The following COBL variants were observed in gnomAD, a reference collection of about 807,000 sequenced individuals.
The protein encoded by COBL is cordon-bleu WH2 repeat protein.
Under a neutral mutation model 98.8 loss-of-function variants are expected in COBL, and 51 were observed. The observed-to-expected ratio is 0.52, with a 90% CI of 0.41 to 0.65. The LOEUF is 0.65. Ranked by LOEUF, COBL falls within the 30% of genes least tolerant of loss-of-function variation. The pLI, the probability that COBL is intolerant of heterozygous loss-of-function variation, is 0.00. For synonymous variants in COBL, 634 were observed against 651.7 expected (o/e 0.97, Z 0.41); for missense variants, 1,617 against 1,617.5 (o/e 1.00, Z 0.01).
intron 6 of COBL, among the ~76,000 whole-genome samples, chr7:51,102,372 T>A (rs957028316): frequency 6.6e-6 from 1 of 152,116 alleles, no homozygotes; most frequent in African/African-American, 2.4e-5. Context: ...ATGTACATCA[T>A]CCTCGAGGTC....
intron 1 of COBL, among the ~76,000 whole-genome samples, chr7:51,227,398 G>T (rs1434634488): frequency 6.6e-6 from 1 of 152,172 alleles, no homozygotes; most frequent in African/African-American, 2.4e-5. Flanking sequence ...AGGTGGCAGA[G>T]CTGGAACAGA....
At chr7:51,233,282 T>C (rs907795347) in intron 1 of COBL, among the ~76,000 whole-genome samples, 5 of 152,188 alleles carry the variant, frequency 3.3e-5, no homozygotes, top group African/African-American at 1.2e-4. Flanking sequence ...GACAGTTTTC[T>C]TCTGGATTCA....
intron 8 of COBL, among the ~76,000 whole-genome samples, chr7:51,036,469 G>A (rs1231020773): frequency 6.6e-6 from 1 of 151,216 alleles, no homozygotes; most frequent in Non-Finnish European, 1.5e-5. Context: ...GGTGCCAAAT[G>A]TTTCTAAATG....
chr7:51,267,018 G>A (rs57530534), intron 1 of COBL, among the ~76,000 whole-genome samples: 9 of 152,112 alleles, frequency 5.9e-5, no homozygotes, highest in East Asian at 1.9e-4. Context: ...AGGGCTTTGC[G>A]ATAAACCCAA....
intron 12 of COBL, among the ~76,000 whole-genome samples, chr7:51,020,491 A>T (rs1293672091): frequency 1.3e-5 from 2 of 152,244 alleles, no homozygotes; most frequent in Non-Finnish European, 2.9e-5. Flanking sequence ...TTGTAGAATG[A>T]AGCACTAGAC....
chr7:51,037,027 TAC>T (rs1189661182), intron 8 of COBL, among the ~76,000 whole-genome samples: 1 of 152,198 alleles, frequency 6.6e-6, no homozygotes, highest in Non-Finnish European at 1.5e-5. Flanking sequence ...TAGGAGGAGA[TAC>T]AGTCTCCTCT....
chr7:51,028,049 G>A lies in COBL; in HGVS notation c.3047C>T (p.Pro1016Leu). The A allele has an allele frequency of 6.2e-7, 1 of 1,610,256 alleles. No individual in the cohort carries two copies. The highest frequency in any genetic ancestry group is 2.2e-5 in the East Asian group (1 of 44,868). ...ASSASEPRRAPDGTDPPPPHT... is the reference protein window; with the variant it reads ...ASSASEPRRALDGTDPPPPHT... ...TGGAGGGGGTGGGTCTGTACCATCA[G>A]GTGCGCGTCTGGGCTCAGATGCTGA... The change falls in exon 10 of 13, where the codon CCT (proline) becomes CTT (leucine). Residue 1016 changes from proline to leucine, a missense_variant. This residue lies in a region of COBL where 1,304 missense variants were observed against 1,282.0 expected (regional missense o/e 1.02). Coordinates refer to ENST00000265136, the MANE Select transcript of COBL (RefSeq NM_015198.5).
chr7:51,094,448 T>C (rs1051797540), intron 6 of COBL, among the ~76,000 whole-genome samples: 18 of 152,122 alleles, frequency 1.2e-4, no homozygotes, highest in Non-Finnish European at 1.2e-4. Context: ...ATTTTGACAA[T>C]GCATACATAG....
In COBL at chr7:51,268,089, C is replaced by T. The variant is rs144123524; in HGVS notation, c.42-48145G>A. Among the ~76,000 whole-genome samples, 600 of 152,194 alleles carry T rather than the reference C, an allele frequency of 3.9e-3. 3 individuals carry two copies. The highest frequency in any genetic ancestry group is 0.02 in the South Asian group (95 of 4,822). ...GACAGCCTTCCTCCCTCCTGCCCTG[C>T]AGGCGCTGTGTCCGCTGCGGGTGTC... On this transcript the variant is annotated intron_variant, in intron 1 of 12. Transcript: ENST00000265136.
intron 8 of COBL, chr7:51,032,686 A>G (rs1788279283): frequency 6.6e-6 from 1 of 152,238 alleles, no homozygotes; most frequent in Non-Finnish European, 1.5e-5. Flanking sequence ...ATGTGGACCC[A>G]TTAATAAGGA....
intron 6 of COBL, among the ~76,000 whole-genome samples, chr7:51,116,620 G>GT (rs1382654912): frequency 1.3e-5 from 2 of 151,956 alleles, no homozygotes; most frequent in Non-Finnish European, 2.9e-5. Flanking sequence ...AGAAAAAATA[G>GT]TTTTTTTATG....
chr7:51,298,502 T>C (rs1311804981), intron 1 of COBL, among the ~76,000 whole-genome samples: 3 of 152,204 alleles, frequency 2.0e-5, no homozygotes, highest in Non-Finnish European at 4.4e-5. Context: ...TCCTAACACA[T>C]GGGCTGGGGC....
At chr7:51,101,558 C>A (rs1795807333) in intron 6 of COBL, among the ~76,000 whole-genome samples, 1 of 152,194 alleles carries the variant, frequency 6.6e-6, no homozygotes, top group Non-Finnish European at 1.5e-5. Flanking sequence ...CTTACCTTGC[C>A]TTCCCAGCCT....
chr7:51,170,549 T>C (rs1787771486), intron 5 of COBL, among the ~76,000 whole-genome samples: 1 of 147,358 alleles, frequency 6.8e-6, no homozygotes, highest in South Asian at 2.1e-4. Context: ...ATCACATACA[T>C]ATATATATGT....
chr7:51,117,877 T>C (rs1312676910), intron 6 of COBL, among the ~76,000 whole-genome samples: 4 of 152,228 alleles, frequency 2.6e-5, no homozygotes, highest in Non-Finnish European at 5.9e-5. Context: ...AATAATAAGC[T>C]GACTGGATTC....
intron 5 of COBL, among the ~76,000 whole-genome samples, chr7:51,164,320 T>TA (rs1787089719): frequency 1.3e-5 from 2 of 152,136 alleles, no homozygotes; most frequent in Non-Finnish European, 2.9e-5. Flanking sequence ...GCAAGGCAGT[T>TA]ACTAATGAAA....
At chr7:51,190,707 C>T (rs1436390409) in intron 4 of COBL, 143 bp downstream of exon 4, 3 of 666,946 alleles carry the variant, frequency 4.5e-6, no homozygotes, top group African/African-American at 3.6e-5. Context: ...TTTTTGCCTA[C>T]TTCAACTTGA....
intron 1 of COBL, among the ~76,000 whole-genome samples, chr7:51,235,415 T>A (rs1373526819): frequency 1.3e-5 from 2 of 152,144 alleles, no homozygotes; most frequent in Non-Finnish European, 2.9e-5. Context: ...CTGCCCTGCA[T>A]CTCTTCCTAC....
intron 1 of COBL, among the ~76,000 whole-genome samples, chr7:51,293,305 G>T (rs979913240): frequency 6.6e-6 from 1 of 152,140 alleles, no homozygotes; most frequent in Admixed American, 6.5e-5. Context: ...AACTATAAAT[G>T]AATGTTCATA....
Sources: allele counts gnomAD v4.1 joint callset (sites outside exome capture counted in the v4.1 genomes callset), GRCh38; gene constraint gnomAD v4.1.1; regional missense constraint gnomAD v4.1.1; transcripts MANE v1.5; gene names NCBI Gene and HGNC (gene_info 2026-07-23, HGNC 2026-07-21).